PDXDC1: variants seen among roughly 807,000 people sequenced by gnomAD.
PDXDC1 encodes the protein pyridoxal dependent decarboxylase domain containing 1.
PDXDC1 carries 42 observed loss-of-function variants against 100.1 expected under a neutral mutation model. The observed-to-expected ratio is 0.42, with a 90% CI of 0.33 to 0.54. The LOEUF (loss-of-function observed/expected upper bound fraction) is 0.54. PDXDC1 is among the 20% of genes least tolerant of loss of function. The pLI, the probability that PDXDC1 is intolerant of heterozygous loss-of-function variation, is 0.10. For synonymous variants in PDXDC1, 260 were observed against 371.7 expected (o/e 0.70, Z 3.46); for missense variants, 636 against 979.2 (o/e 0.65, Z 4.68).
At chr16:15,149,207 C>A in the PDXDC1 span, among the ~76,000 whole-genome samples, 1 of 152,210 alleles carries the variant, frequency 6.6e-6, no homozygotes, top group Non-Finnish European at 1.5e-5. Flanking sequence ...TGGGCAGCTC[C>A]CTGTGGGAGC....
At chr16:14,977,236 CTGAGTG>C (rs1966886456) in intron 1 of PDXDC1, among the ~76,000 whole-genome samples, 1 of 135,508 alleles carries the variant, frequency 7.4e-6, no homozygotes, top group Non-Finnish European at 1.5e-5. Flanking sequence ...TGTGAAAATT[CTGAGTG>C]TAAGTTTTTC....
At chr16:15,094,451 T>G in intron 16 of PDXDC1, 1 of 587,170 alleles carries the variant, frequency 1.7e-6, no homozygotes. Context: ...TGCGTGAGTA[T>G]AAGGAGAGAC....
chr16:15,077,582 C>G (rs1247792923), intron 16 of PDXDC1, among the ~76,000 whole-genome samples: 1 of 152,188 alleles, frequency 6.6e-6, no homozygotes, highest in Non-Finnish European at 1.5e-5. Flanking sequence ...TGGCTCACGC[C>G]TGTAATCCGA....
In PDXDC1 at chr16:15,108,316, G is replaced by A. The variant is rs951320824; in HGVS notation, c.1400-30563G>A. ...GAAGGATGTATAAAATTCCCAGAACGCTAGGAAACAGGGACGAAAACACTT... is the reference window on the plus strand; with the variant it reads ...GAAGGATGTATAAAATTCCCAGAACACTAGGAAACAGGGACGAAAACACTT... On this transcript the variant is annotated intron_variant, in intron 16 of 16. Transcript: ENST00000535621. 2.0e-5 allele frequency: 18 copies of A among 913,396 alleles called. No homozygotes were observed. In the African/African-American group the frequency reaches 2.3e-4, roughly 12 times the overall value. 56.6% of individuals were successfully genotyped at this position (913,396 alleles called of 1,614,324 possible).
intron 16 of PDXDC1, among the ~76,000 whole-genome samples, chr16:15,099,145 G>C (rs8053308): frequency 6.6e-6 from 1 of 151,552 alleles, no homozygotes; most frequent in Non-Finnish European, 1.5e-5. Context: ...AATACTGGCC[G>C]GGCCCTGTGG....
chr16:15,032,689 C>T (rs1039507056), intron 17 of PDXDC1, 172 bp from the exon 18 acceptor site: 4 of 433,022 alleles, frequency 9.2e-6, no homozygotes, highest in African/African-American at 2.1e-5. Flanking sequence ...GTGACTTTCT[C>T]TTTACTCCTG....
chr16:15,008,409 G>A (rs1309872750), intron 6 of PDXDC1, among the ~76,000 whole-genome samples: 1 of 152,272 alleles, frequency 6.6e-6, no homozygotes, highest in East Asian at 1.9e-4. Context: ...CCTTTAGCTG[G>A]TGTTATTTAC....
chr16:15,063,270 T>A, intron 16 of PDXDC1: 2 of 1,610,876 alleles, frequency 1.2e-6, no homozygotes, highest in East Asian at 4.5e-5. Context: ...ATAGGATCAA[T>A]GAATTTCTTT....
chr16:14,990,024 C>G, intron 1 of PDXDC1: 1 of 1,473,844 alleles, frequency 6.8e-7, no homozygotes, highest in Non-Finnish European at 8.9e-7. Context: ...CAGGTGCAGG[C>G]CGCCCGCCGC....
intron 6 of PDXDC1, among the ~76,000 whole-genome samples, chr16:15,008,012 G>A (rs2040929444): frequency 6.6e-6 from 1 of 152,274 alleles, no homozygotes; most frequent in African/African-American, 2.4e-5. Context: ...ACTGTTAACG[G>A]GGTGGATTGG....
At chr16:15,080,347 CAT>C (rs2045646428) in intron 16 of PDXDC1, among the ~76,000 whole-genome samples, 1 of 152,166 alleles carries the variant, frequency 6.6e-6, no homozygotes, top group Non-Finnish European at 1.5e-5. Flanking sequence ...TGATAAAACT[CAT>C]ATATCATACA....
chr16:15,082,704 T>C (rs2045757570), intron 16 of PDXDC1, among the ~76,000 whole-genome samples: 9 of 151,956 alleles, frequency 5.9e-5, no homozygotes, highest in Admixed American at 5.9e-4. Flanking sequence ...CAATCTTGCA[T>C]TCTTAACATC....
intron 4 of PDXDC1, among the ~76,000 whole-genome samples, chr16:15,002,305 T>A (rs866454503): frequency 6.6e-6 from 1 of 152,292 alleles, no homozygotes; most frequent in Admixed American, 6.5e-5. Context: ...CCTACCTCTA[T>A]CTCCCTACCA....
At chr16:15,089,523 G>A (rs1207596912) in intron 16 of PDXDC1, among the ~76,000 whole-genome samples, 5 of 152,106 alleles carry the variant, frequency 3.3e-5, no homozygotes, top group African/African-American at 9.7e-5. Context: ...ATCACTGGCC[G>A]GGCGTGGTTA....
chr16:15,135,180 G>A, intron 16 of PDXDC1: 4 of 841,894 alleles, frequency 4.8e-6, no homozygotes, highest in South Asian at 2.9e-5. Context: ...AGAGAGGGAA[G>A]AGCGCGCGGC....
intron 12 of PDXDC1, among the ~76,000 whole-genome samples, chr16:15,021,342 A>G (rs1241446733): frequency 6.6e-6 from 1 of 152,220 alleles, no homozygotes; most frequent in Non-Finnish European, 1.5e-5. Flanking sequence ...GCACTACTGC[A>G]CTACTCCACT....
At chr16:15,097,468 C>CAAAAAAAAAAAAAA (rs71152407) in intron 16 of PDXDC1, among the ~76,000 whole-genome samples, 8 of 65,780 alleles carry the variant, frequency 1.2e-4, no homozygotes, top group South Asian at 7.1e-4. Flanking sequence ...ACTAAAAATA[C>CAAAAAAAAAAAAAA]AAAAAAAAAA....
intron 1 of PDXDC1, chr16:14,989,710 G>C: frequency 6.4e-7 from 1 of 1,557,658 alleles, no homozygotes; most frequent in South Asian, 1.2e-5. Context: ...CAACGCACGC[G>C]GCGCAGCAGC....
Position 15,033,258 on chromosome 16 carries a change from T to TG in PDXDC1, c.1691-20_1691-19insG. 6.2e-7 allele frequency: 1 copy of TG among 1,613,920 alleles called. No individual in the cohort carries two copies. The highest frequency in any genetic ancestry group is 8.5e-7 in the Non-Finnish European group (1 of 1,179,808). On this transcript the variant is annotated intron_variant, in intron 18 of 22. Coordinates refer to ENST00000396410, the MANE Select transcript of PDXDC1 (RefSeq NM_015027.4). The stretch of plus-strand genomic sequence containing the variant: ...TGACAGAGGACTGAGAAACTCAAGT[T>TG]TGTCTCGTTACCTTTGCAGGCCCTG...
Sources: gnomAD v4.1 joint callset for allele counts (sites outside exome capture counted in the v4.1 genomes callset) on GRCh38, gnomAD v4.1.1 for gene constraint, MANE v1.5 for transcripts, NCBI Gene and HGNC (gene_info 2026-07-23, HGNC 2026-07-21) for gene names.